AAK1: variants seen among roughly 807,000 people sequenced by gnomAD.
AAK1 encodes AP2 associated kinase 1, also known as AP2-associated protein kinase 1.
In AAK1, 37 loss-of-function variants were observed where a neutral mutation model predicts 116.0. That is an observed-to-expected ratio of 0.32 (90% CI 0.25 to 0.42). The LOEUF (loss-of-function observed/expected upper bound fraction) is 0.42, where lower values mean the gene tolerates loss of function less well. Ranked by LOEUF, AAK1 falls within the 10% of genes least tolerant of loss-of-function variation. AAK1 has a pLI of 1.00. For synonymous variants in AAK1, 458 were observed against 439.9 expected (o/e 1.04, Z -0.51); for missense variants, 919 against 1,170.6 (o/e 0.79, Z 3.14).
rs188902328 is a variant in AAK1 at position 69,502,390 on chromosome 2, G to A, written c.2269+3179C>T. On this transcript the variant is annotated intron_variant, in intron 16 of 21. Transcript: ENST00000409085. The stretch of plus-strand genomic sequence containing the variant: ...TAATCCCAGCACTTTGGGAGGCTGA[G>A]GCGGGAGGATCACCTGAGGTCAGGA... 4.6e-3 allele frequency among the ~76,000 whole-genome samples: 694 copies of A among 152,210 alleles called. 3 individuals are homozygous for A. Among genetic ancestry groups the A allele is most frequent in the African/African-American group, 0.016 (660 of 41,532 alleles).
chr2:69,476,762 A>ACACC, intron 21 of AAK1, 118 bp downstream of exon 21: 2 of 663,502 alleles, frequency 3.0e-6, no homozygotes, highest in Non-Finnish European at 2.6e-6. Context: ...GATTCTCATT[A>ACACC]CACCCAATGT....
At chr2:69,577,874 G>A (rs1436942252) in intron 2 of AAK1, among the ~76,000 whole-genome samples, 1 of 152,222 alleles carries the variant, frequency 6.6e-6, no homozygotes, top group African/African-American at 2.4e-5. Flanking sequence ...GGTGGAGATG[G>A]TGGACTTATT....
intron 3 of AAK1, among the ~76,000 whole-genome samples, chr2:69,552,532 T>G (rs951597079): frequency 1.3e-5 from 2 of 151,974 alleles, no homozygotes; most frequent in African/African-American, 4.8e-5. Context: ...GCCAACATGG[T>G]GAAACCCCAT....
intron 3 of AAK1, among the ~76,000 whole-genome samples, chr2:69,552,348 A>T (rs1336461641): frequency 6.6e-6 from 1 of 152,206 alleles, no homozygotes; most frequent in Non-Finnish European, 1.5e-5. Context: ...CTTTTCAATA[A>T]ATGGTACTAA....
intron 2 of AAK1, among the ~76,000 whole-genome samples, chr2:69,636,517 A>G (rs1299283970): frequency 6.6e-6 from 1 of 152,180 alleles, no homozygotes; most frequent in Non-Finnish European, 1.5e-5. Flanking sequence ...TAACTAGAGC[A>G]CTATTCTATC....
chr2:69,491,632 T>C (rs924942217), intron 17 of AAK1, among the ~76,000 whole-genome samples: 2 of 152,106 alleles, frequency 1.3e-5, no homozygotes, highest in East Asian at 1.9e-4. Flanking sequence ...AAGAGAAAAA[T>C]ATCATTTTAT....
At chr2:69,538,818 G>T (rs1022721939) in intron 5 of AAK1, among the ~76,000 whole-genome samples, 1 of 152,196 alleles carries the variant, frequency 6.6e-6, no homozygotes, top group Non-Finnish European at 1.5e-5. Flanking sequence ...GGAAGTGACA[G>T]CTGTAGTGAG....
chr2:69,486,955 T>C (rs954303539), intron 17 of AAK1, among the ~76,000 whole-genome samples: 5 of 152,134 alleles, frequency 3.3e-5, no homozygotes, highest in African/African-American at 7.2e-5. Flanking sequence ...ACCTCATATC[T>C]TATCTAATTC....
chr2:69,481,163 T>C, intron 18 of AAK1: 2 of 413,128 alleles, frequency 4.8e-6, no homozygotes, highest in Non-Finnish European at 8.7e-6. Flanking sequence ...CACCCAGCCA[T>C]GTGAAGACTT....
At chr2:69,613,817 T>C (rs1199746366) in intron 2 of AAK1, among the ~76,000 whole-genome samples, 1 of 152,200 alleles carries the variant, frequency 6.6e-6, no homozygotes, top group Non-Finnish European at 1.5e-5. Flanking sequence ...ACATAAAGTA[T>C]TTCCCTGAGT....
At chr2:69,626,185 A>G (rs10167982) in intron 2 of AAK1, among the ~76,000 whole-genome samples, 20,021 of 151,896 alleles carry the variant, frequency 0.13, 3,059 homozygotes, top group African/African-American at 0.36. Flanking sequence ...CCTCTCTTTG[A>G]TTGCTTCTTC....
rs966326492 is a variant in AAK1 at position 69,463,546 on chromosome 2, C to G, written c.*12323G>C. ...TTTAATTTTATTTTTTAGACTCGCT[C>G]TGTCGCCCAGGCCAGAGTGCAGTGG... On this transcript the variant is annotated 3_prime_UTR_variant, in exon 22 of 22. Coordinates refer to ENST00000409085, the MANE Select transcript of AAK1 (RefSeq NM_014911.5). 1 of 152,160 alleles carries G rather than the reference C, an allele frequency of 6.6e-6. No homozygotes were observed. Among genetic ancestry groups the G allele is most frequent in the Non-Finnish European group, 1.5e-5 (1 of 68,050 alleles). The allele number at this position is 152,160 out of a possible 1,614,324, so 9.4% of individuals were successfully genotyped here. A position where few individuals can be genotyped will look rare whatever the true frequency, so the allele number is the denominator to read the frequency against.
rs1333928746 is a variant in AAK1, at chr2:69,471,004, T to C, written c.*4865A>G. ...CAGACTTTTTTTTATACAATACTTG[T>C]GCAGCAATGTTCAAATTTCACGTTT... On this transcript the variant is annotated 3_prime_UTR_variant, in exon 22 of 22. Transcript: ENST00000409085. 3 of 985,754 alleles carry C rather than the reference T, an allele frequency of 3.0e-6. No individual in the cohort carries two copies. Among genetic ancestry groups the C allele is most frequent in the African/African-American group, 3.5e-5 (2 of 57,252 alleles). 61.1% of individuals were successfully genotyped at this position (985,754 alleles called of 1,614,324 possible).
Position 69,475,203 on chromosome 2 carries a change from T to C in AAK1, c.*666A>G, listed in dbSNP as rs1416506910. ...GGAAGCCAGAAAGCTGGACGAATGCTGGGCAGGTTGCATGGGGTGTAAAAT... is the reference window on the plus strand; with the variant it reads ...GGAAGCCAGAAAGCTGGACGAATGCCGGGCAGGTTGCATGGGGTGTAAAAT... On this transcript the variant is annotated 3_prime_UTR_variant, in exon 22 of 22. Transcript: ENST00000409085. The C allele has an allele frequency of 1.0e-6, 1 of 985,802 alleles. No individual in the cohort carries two copies. The highest frequency in any genetic ancestry group is 1.2e-6 in the Non-Finnish European group (1 of 829,986). 61.1% of individuals were successfully genotyped at this position (985,802 alleles called of 1,614,324 possible). A position where few individuals can be genotyped will look rare whatever the true frequency, so the allele number is the denominator to read the frequency against.
chr2:69,522,976 A>T (rs1669855332), intron 10 of AAK1, among the ~76,000 whole-genome samples: 1 of 152,190 alleles, frequency 6.6e-6, no homozygotes, highest in Non-Finnish European at 1.5e-5. Context: ...CTCCTCACTA[A>T]GTAACTGTGT....
chr2:69,559,239 G>A (rs1015961509), intron 2 of AAK1, among the ~76,000 whole-genome samples: 8 of 148,710 alleles, frequency 5.4e-5, no homozygotes, highest in Non-Finnish European at 5.9e-5. Context: ...GACACTTAGA[G>A]GTCTTATCTA....
chr2:69,606,624 A>G (rs549317530), intron 2 of AAK1, among the ~76,000 whole-genome samples: 2 of 152,340 alleles, frequency 1.3e-5, no homozygotes, highest in East Asian at 1.9e-4. Context: ...TGATCACTCA[A>G]TAAATGCTTA....
chr2:69,527,468 C>G (rs1670073006), intron 8 of AAK1, 149 bp from the exon 9 acceptor site: 9 of 575,682 alleles, frequency 1.6e-5, no homozygotes, highest in Non-Finnish European at 2.8e-5. Context: ...CCTTTTCTCT[C>G]CCTTAGAAAG....
chr2:69,554,876 A>C (rs1671326061), intron 3 of AAK1, among the ~76,000 whole-genome samples: 1 of 152,198 alleles, frequency 6.6e-6, no homozygotes, highest in Non-Finnish European at 1.5e-5. Flanking sequence ...TCTGGGCCAA[A>C]ACTTGAACCT....
Sources: gnomAD v4.1 joint callset for allele counts (sites outside exome capture counted in the v4.1 genomes callset) on GRCh38, gnomAD v4.1.1 for gene constraint, MANE v1.5 for transcripts, NCBI Gene and HGNC (gene_info 2026-07-23, HGNC 2026-07-21) for gene names.